The following DDAH1 variants were observed in gnomAD, a reference collection of about 807,000 sequenced individuals.
DDAH1 encodes N(G),N(G)-dimethylarginine dimethylaminohydrolase 1.
A neutral mutation model predicts 28.8 loss-of-function variants in DDAH1; 19 were observed. That is an observed-to-expected ratio of 0.66 (90% CI 0.46 to 0.97). The LOEUF (loss-of-function observed/expected upper bound fraction) is 0.97. Ranked by LOEUF, DDAH1 falls within the 50% of genes least tolerant of loss-of-function variation. DDAH1 has a pLI of 0.00. For synonymous variants in DDAH1, 153 were observed against 154.4 expected (o/e 0.99, Z 0.07); for missense variants, 326 against 375.9 (o/e 0.87, Z 1.10).
intron 1 of DDAH1, among the ~76,000 whole-genome samples, chr1:85,572,079 G>A (rs1463765098): frequency 6.6e-6 from 1 of 152,080 alleles, no homozygotes; most frequent in African/African-American, 2.4e-5. Context: ...CAAAATTGAT[G>A]GTGATGACTA....
chr1:85,467,321 A>C (rs1427638131), upstream of DDAH1: 1 of 151,816 alleles, frequency 6.6e-6, no homozygotes, highest in Non-Finnish European at 1.5e-5. Context: ...TTCACCTACC[A>C]CTCAGTGCCC....
chr1:85,422,996 C>T (rs1163587647), intron 1 of DDAH1, among the ~76,000 whole-genome samples: 1 of 152,144 alleles, frequency 6.6e-6, no homozygotes, highest in Non-Finnish European at 1.5e-5. Flanking sequence ...GTTGTTTAAG[C>T]CACCCAATCT....
chr1:85,384,654 A>T (rs1651160398), intron 1 of DDAH1, among the ~76,000 whole-genome samples: 1 of 152,222 alleles, frequency 6.6e-6, no homozygotes. Context: ...CTTCAAGACT[A>T]TACACCTAAA....
intron 1 of DDAH1, among the ~76,000 whole-genome samples, chr1:85,531,364 C>T (rs1381653189): frequency 1.3e-5 from 2 of 152,068 alleles, no homozygotes; most frequent in African/African-American, 2.4e-5. Context: ...CAGGCTACTC[C>T]ACGTGTCAAT....
Position 85,464,528 on chromosome 1 carries a change from A to G in DDAH1, c.303+215T>C. On this transcript the variant is annotated intron_variant, in intron 1 of 5. Coordinates refer to ENST00000284031, the MANE Select transcript of DDAH1 (RefSeq NM_012137.4). This position sits in a 1 kb window ranked among gnomAD's most constrained non-coding sequence, Gnocchi z 4.4. ...AGACCGTACAACCACATTGAATCGG[A>G]TCCTCCAGAAGGCTGCCGGCAGCCG... 6.6e-7 allele frequency: 1 copy of G among 1,521,892 alleles called. No homozygotes were observed. The highest frequency in any genetic ancestry group is 8.8e-7 in the Non-Finnish European group (1 of 1,139,004). 94.3% of individuals were successfully genotyped at this position (1,521,892 alleles called of 1,614,324 possible). A position where few individuals can be genotyped will look rare whatever the true frequency, so the allele number is the denominator to read the frequency against.
chr1:85,487,169 C>T (rs1282043793), intron 2 of DDAH1, among the ~76,000 whole-genome samples: 3 of 152,188 alleles, frequency 2.0e-5, no homozygotes, highest in Non-Finnish European at 4.4e-5. Context: ...TCTCCTTGTA[C>T]TTAGGACTTC....
At chr1:85,446,284 A>G (rs1654423960) in intron 1 of DDAH1, among the ~76,000 whole-genome samples, 1 of 152,184 alleles carries the variant, frequency 6.6e-6, no homozygotes, top group Admixed American at 6.5e-5. Flanking sequence ...TCTTCACAAG[A>G]AGGCAGGAAA....
chr1:85,525,408 C>T (rs1450364547), intron 1 of DDAH1, among the ~76,000 whole-genome samples: 2 of 152,164 alleles, frequency 1.3e-5, no homozygotes, highest in African/African-American at 4.8e-5. Context: ...TCCTCTGGCT[C>T]ATAGGAGAAA....
chr1:85,552,457 T>G (rs1658824428), intron 1 of DDAH1, among the ~76,000 whole-genome samples: 1 of 152,226 alleles, frequency 6.6e-6, no homozygotes, highest in African/African-American at 2.4e-5. Context: ...AGGAATGACA[T>G]GCCTTTCTCC....
At chr1:85,456,764 T>G (rs1417938213) in intron 1 of DDAH1, among the ~76,000 whole-genome samples, 2 of 152,060 alleles carry the variant, frequency 1.3e-5, no homozygotes, top group Admixed American at 6.6e-5. Context: ...AGATGACAGG[T>G]TTTCCTGATA....
chr1:85,429,903 T>C (rs1177919414), intron 1 of DDAH1, among the ~76,000 whole-genome samples: 1 of 152,212 alleles, frequency 6.6e-6, no homozygotes, highest in African/African-American at 2.4e-5. Context: ...TTCTGGATAT[T>C]AGCCCTTTGT....
At chr1:85,360,433 C>A (rs1005577250) in intron 1 of DDAH1, among the ~76,000 whole-genome samples, 9 of 152,120 alleles carry the variant, frequency 5.9e-5, no homozygotes, top group Non-Finnish European at 1.3e-4. Flanking sequence ...AAATAAGGAG[C>A]AAACACAATA....
intron 1 of DDAH1, among the ~76,000 whole-genome samples, chr1:85,411,249 G>T (rs1652642555): frequency 6.6e-6 from 1 of 151,952 alleles, no homozygotes; most frequent in African/African-American, 2.4e-5. Flanking sequence ...GCAATAAATT[G>T]TTATGAATTG....
intron 2 of DDAH1, among the ~76,000 whole-genome samples, chr1:85,490,793 C>T (rs181674966): frequency 6.6e-6 from 1 of 152,256 alleles, no homozygotes. Context: ...AGTCTGTAGT[C>T]TATGAGATAA....
At chr1:85,375,532 A>T (rs1319261066) in intron 1 of DDAH1, among the ~76,000 whole-genome samples, 2 of 152,196 alleles carry the variant, frequency 1.3e-5, no homozygotes, top group Non-Finnish European at 2.9e-5. Flanking sequence ...CAGACATTTC[A>T]ACTGAAGCCA....
chr1:85,352,722 G>C (rs1255964193), intron 2 of DDAH1, among the ~76,000 whole-genome samples: 1 of 152,282 alleles, frequency 6.6e-6, no homozygotes, highest in African/African-American at 2.4e-5. Flanking sequence ...TGATTTAGAA[G>C]CTGGGTGATA....
intron 1 of DDAH1, among the ~76,000 whole-genome samples, chr1:85,414,247 C>T (rs1032666172): frequency 6.6e-6 from 1 of 152,130 alleles, no homozygotes; most frequent in Non-Finnish European, 1.5e-5. Flanking sequence ...AAGGACAGAC[C>T]ATTCAATAAT....
chr1:85,426,419 T>C (rs898301027), intron 1 of DDAH1, among the ~76,000 whole-genome samples: 1 of 152,202 alleles, frequency 6.6e-6, no homozygotes, highest in Admixed American at 6.5e-5. Context: ...GCTTAAGTCC[T>C]TGCACTCAGA....
chr1:85,507,187 A>G (rs1055257057), intron 1 of DDAH1, among the ~76,000 whole-genome samples: 9 of 152,078 alleles, frequency 5.9e-5, no homozygotes, highest in African/African-American at 2.2e-4. Flanking sequence ...TACACCTCAC[A>G]CCTAAACATT....
Sources: allele counts gnomAD v4.1 joint callset (sites outside exome capture counted in the v4.1 genomes callset), GRCh38; gene constraint gnomAD v4.1.1; non-coding constraint Gnocchi (gnomAD v3.1); transcripts MANE v1.5; gene names NCBI Gene and HGNC (gene_info 2026-07-23, HGNC 2026-07-21).